The following PTPRQ variants were observed in gnomAD, a reference collection of about 807,000 sequenced individuals.
PTPRQ encodes protein tyrosine phosphatase receptor type Q.
In PTPRQ, 199 loss-of-function variants were observed where a neutral mutation model predicts 246.0. The ratio of observed to expected loss-of-function variants is 0.81; its 90% CI spans 0.72 to 0.91. PTPRQ has a LOEUF of 0.91. Ranked by LOEUF, PTPRQ falls within the 40% of genes least tolerant of loss-of-function variation. PTPRQ has a pLI of 0.00. For missense variants in PTPRQ, 2,624 were observed against 2,528.4 expected, an observed-to-expected ratio of 1.04 and a Z score of -0.81; for synonymous variants, 869 against 853.2, an observed-to-expected ratio of 1.02 and a Z score of -0.32.
chr12:80,461,008 T>C (rs1187993610), intron 6 of PTPRQ, 106 bp downstream of exon 6: 2 of 393,100 alleles, frequency 5.1e-6, no homozygotes, highest in African/African-American at 4.1e-5. Flanking sequence ...GTAACTTTTT[T>C]CCCCTAATAA....
In PTPRQ at chr12:80,474,812, G is replaced by A. The variant is rs546118071; in HGVS notation, c.1186+2561G>A. On this transcript the variant is annotated intron_variant, in intron 8 of 44. Coordinates refer to ENST00000644991, the MANE Select transcript of PTPRQ (RefSeq NM_001145026.2). The stretch of plus-strand genomic sequence containing the variant: ...ACAACTTTTCTGTCAGGGTAGTTTA[G>A]CATGACCATTTCTTAAAAGCAGACA... Among the ~76,000 whole-genome samples, 4 of 152,194 alleles carry A rather than the reference G, an allele frequency of 2.6e-5. No homozygotes were observed. In the East Asian group the frequency reaches 7.7e-4, roughly 29 times the overall value.
intron 6 of PTPRQ, 140 bp downstream of exon 6, chr12:80,461,042 G>A: frequency 2.6e-6 from 1 of 386,734 alleles, no homozygotes; most frequent in East Asian, 3.7e-5. Flanking sequence ...TCCCATCAAG[G>A]GTTTCTTCGA....
At chr12:80,642,919 T>TAAAAAA (rs902888826) in intron 35 of PTPRQ, among the ~76,000 whole-genome samples, 1 of 77,246 alleles carries the variant, frequency 1.3e-5, no homozygotes, top group African/African-American at 3.8e-5. Flanking sequence ...GACTCCGTCT[T>TAAAAAA]AAAAAAAAAA....
At chr12:80,467,838 C>T (rs1254347732) in intron 6 of PTPRQ, among the ~76,000 whole-genome samples, 1 of 151,758 alleles carries the variant, frequency 6.6e-6, no homozygotes, top group Non-Finnish European at 1.5e-5. Flanking sequence ...AGGGGAACAT[C>T]ACACTCTGGG....
intron 25 of PTPRQ, 62 bp downstream of exon 25, chr12:80,549,796 AC>A (rs1415704266): frequency 1.4e-6 from 2 of 1,470,988 alleles, no homozygotes; most frequent in African/African-American, 2.8e-5. Flanking sequence ...TTGTGTCAAT[AC>A]CACCTGCAAT....
In PTPRQ at chr12:80,510,516, A is replaced by C. The variant is rs183377202; in HGVS notation, c.2678+73A>C. ...GTAACATAATAGGAATGTAGCTTTT[A>C]GATTTCAGAATGTGGTGCTACATTA... On this transcript the variant is annotated intron_variant, in intron 17 of 44. Coordinates refer to ENST00000644991, the MANE Select transcript of PTPRQ (RefSeq NM_001145026.2). 1.3e-3 allele frequency: 1,719 copies of C among 1,330,512 alleles called. 9 individuals carry two copies. The highest frequency in any genetic ancestry group is 6.3e-4 in the Non-Finnish European group (642 of 1,018,612). The allele number at this position is 1,330,512 out of a possible 1,614,324, so 82.4% of individuals were successfully genotyped here.
chr12:80,669,560 G>A (rs1018826692), intron 41 of PTPRQ, 96 bp downstream of exon 41: 2 of 1,432,562 alleles, frequency 1.4e-6, no homozygotes, highest in South Asian at 1.5e-5. Context: ...TCCCTTTCAA[G>A]GATACCTGTA....
chr12:80,533,072 A>G (rs538849419), intron 17 of PTPRQ, among the ~76,000 whole-genome samples: 1 of 152,308 alleles, frequency 6.6e-6, no homozygotes, highest in South Asian at 2.1e-4. Context: ...AAAATATGAG[A>G]TTACATGAGA....
intron 28 of PTPRQ, among the ~76,000 whole-genome samples, chr12:80,612,497 A>C (rs1898589665): frequency 6.6e-6 from 1 of 150,450 alleles, no homozygotes; most frequent in Non-Finnish European, 1.5e-5. Flanking sequence ...GTACTAGAAC[A>C]GATAAGGTAA....
intron 35 of PTPRQ, among the ~76,000 whole-genome samples, chr12:80,642,789 G>A (rs1229797162): frequency 6.7e-6 from 1 of 149,686 alleles, no homozygotes; most frequent in East Asian, 2.0e-4. Flanking sequence ...GCGTAGTGGC[G>A]GGCGCCTGTA....
At chr12:80,575,941 G>A (rs986819274) in intron 25 of PTPRQ, among the ~76,000 whole-genome samples, 1 of 151,780 alleles carries the variant, frequency 6.6e-6, no homozygotes, top group African/African-American at 2.4e-5. Context: ...TGAGGCCCAT[G>A]TCCCCAACCT....
At chr12:80,599,753 A>G (rs1592703002) in intron 26 of PTPRQ, among the ~76,000 whole-genome samples, 2 of 151,498 alleles carry the variant, frequency 1.3e-5, no homozygotes, top group Non-Finnish European at 2.9e-5. Context: ...TTTATAATAG[A>G]TGGGCATTTT....
chr12:80,676,880 C>T (rs1313172315), intron 43 of PTPRQ, among the ~76,000 whole-genome samples: 1 of 152,126 alleles, frequency 6.6e-6, no homozygotes, highest in Non-Finnish European at 1.5e-5. Context: ...TTAAATCTTA[C>T]AATACAGGAT....
intron 39 of PTPRQ, among the ~76,000 whole-genome samples, chr12:80,658,794 C>T (rs939261167): frequency 2.0e-5 from 3 of 151,914 alleles, no homozygotes; most frequent in Non-Finnish European, 4.4e-5. Context: ...GGTGAATCTA[C>T]AAATACATGA....
At chr12:80,459,144 A>G in intron 4 of PTPRQ, 140 bp from the exon 5 acceptor site, 1 of 393,746 alleles carries the variant, frequency 2.5e-6, no homozygotes, top group Non-Finnish European at 4.5e-6. Context: ...AAGTTCAGTT[A>G]AATACATTTA....
chr12:80,652,351 C>T (rs1430382195), intron 37 of PTPRQ, among the ~76,000 whole-genome samples: 1 of 152,014 alleles, frequency 6.6e-6, no homozygotes, highest in Non-Finnish European at 1.5e-5. Flanking sequence ...AATCACACTG[C>T]CTGAGGAGAG....
At chr12:80,479,559 C>G (rs1219304715) in intron 8 of PTPRQ, among the ~76,000 whole-genome samples, 2 of 144,864 alleles carry the variant, frequency 1.4e-5, no homozygotes, top group African/African-American at 2.6e-5. Context: ...ACTAAATGCT[C>G]CAATTAAAAG....
At chr12:80,669,198 G>A (rs1238056180) in intron 40 of PTPRQ, 57 bp downstream of exon 40, 2 of 1,533,406 alleles carry the variant, frequency 1.3e-6, no homozygotes, top group Non-Finnish European at 8.8e-7. Context: ...TAACATATGT[G>A]TGAATATTTC....
chr12:80,468,245 C>T (rs547830700), intron 6 of PTPRQ, among the ~76,000 whole-genome samples: 10 of 152,056 alleles, frequency 6.6e-5, no homozygotes, highest in African/African-American at 1.9e-4. Context: ...AATATTGATA[C>T]AAAAAGTAAA....
Sources: gnomAD v4.1 joint callset for allele counts (sites outside exome capture counted in the v4.1 genomes callset) on GRCh38, gnomAD v4.1.1 for gene constraint, MANE v1.5 for transcripts, NCBI Gene and HGNC (gene_info 2026-07-23, HGNC 2026-07-21) for gene names.